The following CCDC91 variants were observed in gnomAD, a reference collection of about 807,000 sequenced individuals.
CCDC91 encodes the protein coiled-coil domain-containing protein 91.
A neutral mutation model predicts 63.2 loss-of-function variants in CCDC91; 48 were observed. The observed-to-expected ratio is 0.76, with a 90% CI of 0.60 to 0.97. The LOEUF is 0.97. Among genes scored for constraint, CCDC91 ranks in the 50% least tolerant of loss-of-function variants. The pLI is 0.00. For synonymous variants in CCDC91, 167 were observed against 165.8 expected (o/e 1.01, Z -0.06); for missense variants, 500 against 494.6 (o/e 1.01, Z -0.10).
chr12:28,515,213 T>C (rs2141336342), intron 12 of CCDC91, among the ~76,000 whole-genome samples: 1 of 151,964 alleles, frequency 6.6e-6, no homozygotes, highest in Admixed American at 6.6e-5. Flanking sequence ...TTATTTCTTA[T>C]GGGGGACTTC....
chr12:28,200,952 G>T (rs1327244084), intron 1 of CCDC91, among the ~76,000 whole-genome samples: 2 of 146,686 alleles, frequency 1.4e-5, no homozygotes, highest in Non-Finnish European at 3.0e-5. Context: ...CGGGCAGGGG[G>T]CTGACCCCCC....
At chr12:28,221,145 T>G (rs1046038003) in intron 1 of CCDC91, among the ~76,000 whole-genome samples, 6 of 152,114 alleles carry the variant, frequency 3.9e-5, no homozygotes, top group Non-Finnish European at 8.8e-5. Flanking sequence ...ACTATTGCTG[T>G]TTTTTTAACT....
At chr12:28,512,990 CA>C (rs1939544463) in intron 12 of CCDC91, among the ~76,000 whole-genome samples, 2 of 151,780 alleles carry the variant, frequency 1.3e-5, no homozygotes, top group African/African-American at 4.8e-5. Context: ...AAAAGATATT[CA>C]AAACTGTTAG....
chr12:28,535,352 C>A (rs1477312691), intron 12 of CCDC91, among the ~76,000 whole-genome samples: 3 of 152,184 alleles, frequency 2.0e-5, no homozygotes, highest in Admixed American at 6.5e-5. Flanking sequence ...TGATAATAGT[C>A]TGCATTTGAC....
At chr12:28,287,153 A>G (rs991281032) in intron 3 of CCDC91, among the ~76,000 whole-genome samples, 1 of 151,936 alleles carries the variant, frequency 6.6e-6, no homozygotes, top group African/African-American at 2.4e-5. Context: ...CCCATTCTGT[A>G]GATTGTCTGT....
At chr12:28,193,919 G>A (rs1450029568) in intron 1 of CCDC91, among the ~76,000 whole-genome samples, 2 of 152,158 alleles carry the variant, frequency 1.3e-5, no homozygotes, top group African/African-American at 4.8e-5. Context: ...GTTTGCAAGT[G>A]TTTTATACAG....
intron 6 of CCDC91, among the ~76,000 whole-genome samples, chr12:28,360,907 TG>T (rs1245937677): frequency 2.6e-5 from 4 of 152,026 alleles, no homozygotes; most frequent in South Asian, 4.1e-4. Flanking sequence ...TGTATGTGTT[TG>T]TTTTTTTTAG....
chr12:28,329,912 A>G (rs2137636250), intron 6 of CCDC91, among the ~76,000 whole-genome samples: 1 of 152,276 alleles, frequency 6.6e-6, no homozygotes. Flanking sequence ...GATGGTTTCC[A>G]GCTTCATCCA....
intron 11 of CCDC91, among the ~76,000 whole-genome samples, chr12:28,471,501 G>A (rs1300001631): frequency 6.6e-6 from 1 of 152,056 alleles, no homozygotes; most frequent in Non-Finnish European, 1.5e-5. Context: ...GGAATATATA[G>A]GGAACCCTCA....
chr12:28,444,866 C>T (rs963365066), intron 8 of CCDC91, among the ~76,000 whole-genome samples: 20 of 151,822 alleles, frequency 1.3e-4, no homozygotes, highest in African/African-American at 4.6e-4. Context: ...TTTTTAAAAG[C>T]AGTTCCTTCT....
At chr12:28,475,927 A>G (rs1951061367) in intron 11 of CCDC91, among the ~76,000 whole-genome samples, 1 of 151,952 alleles carries the variant, frequency 6.6e-6, no homozygotes, top group South Asian at 2.1e-4. Context: ...GTTACTAGAA[A>G]ATTACATTTC....
At chr12:28,253,162 G>T (rs1274982720) in intron 1 of CCDC91, among the ~76,000 whole-genome samples, 1 of 152,198 alleles carries the variant, frequency 6.6e-6, no homozygotes, top group East Asian at 1.9e-4. Flanking sequence ...TATTTCATGA[G>T]TGAGTTGTTT....
chr12:28,274,342 A>G (rs1216690923), intron 3 of CCDC91, among the ~76,000 whole-genome samples: 3 of 152,140 alleles, frequency 2.0e-5, no homozygotes, highest in Non-Finnish European at 2.9e-5. Flanking sequence ...TTGGTTCCAC[A>G]TGAACTTTAA....
chr12:28,457,619 A>G (rs1390040202), intron 11 of CCDC91, among the ~76,000 whole-genome samples: 2 of 151,710 alleles, frequency 1.3e-5, no homozygotes, highest in African/African-American at 4.8e-5. Flanking sequence ...GATAAATGTT[A>G]AACTATGACA....
chr12:28,406,293 A>T (rs75579379), intron 8 of CCDC91, among the ~76,000 whole-genome samples: 1 of 151,216 alleles, frequency 6.6e-6, no homozygotes, highest in Non-Finnish European at 1.5e-5. Context: ...AAAAAAAAAA[A>T]TCCCTCAATT....
chr12:28,481,958 T>C (rs1490948179), intron 11 of CCDC91, among the ~76,000 whole-genome samples: 29 of 152,108 alleles, frequency 1.9e-4, no homozygotes, highest in Non-Finnish European at 3.1e-4. Flanking sequence ...TTTAAATTGA[T>C]GCTTTTGCTT....
intron 1 of CCDC91, among the ~76,000 whole-genome samples, chr12:28,234,505 T>C (rs1181394744): frequency 3.9e-5 from 6 of 152,218 alleles, no homozygotes; most frequent in Non-Finnish European, 8.8e-5. Flanking sequence ...AGATATTTAG[T>C]GAAATTATAC....
intron 8 of CCDC91, among the ~76,000 whole-genome samples, chr12:28,446,964 G>A (rs1949532100): frequency 6.6e-6 from 1 of 152,124 alleles, no homozygotes; most frequent in South Asian, 2.1e-4. Context: ...TGCTCTGGCA[G>A]TCCATGATTG....
chr12:28,307,520 A>AT, intron 5 of CCDC91, 125 bp from the exon 6 acceptor site: 1 of 567,852 alleles, frequency 1.8e-6, no homozygotes. Flanking sequence ...ATATTGTTAG[A>AT]TTTTAAGCCG....
Sources: allele counts gnomAD v4.1 joint callset (sites outside exome capture counted in the v4.1 genomes callset), GRCh38; gene constraint gnomAD v4.1.1; transcripts MANE v1.5; gene names NCBI Gene and HGNC (gene_info 2026-07-23, HGNC 2026-07-21).